The following HSD17B12 variants were observed in gnomAD, a reference collection of about 807,000 sequenced individuals.
HSD17B12 encodes hydroxysteroid 17-beta dehydrogenase 12.
Under a neutral mutation model 39.3 loss-of-function variants are expected in HSD17B12, and 32 were observed. The observed-to-expected ratio is 0.81, with a 90% CI of 0.61 to 1.09. The LOEUF (loss-of-function observed/expected upper bound fraction) is 1.09. Ranked by LOEUF, HSD17B12 falls within the 50% of genes least tolerant of loss-of-function variation. HSD17B12 has a pLI of 0.00. For synonymous variants in HSD17B12, 150 were observed against 146.7 expected (o/e 1.02, Z -0.16); for missense variants, 342 against 382.9 (o/e 0.89, Z 0.89).
intron 1 of HSD17B12, among the ~76,000 whole-genome samples, chr11:43,728,223 G>A (rs1950238483): frequency 1.3e-5 from 2 of 151,826 alleles, no homozygotes; most frequent in South Asian, 2.1e-4. Flanking sequence ...CTGCAACCAC[G>A]CCCAGCTAAT....
chr11:43,608,300 T>TG, the HSD17B12 span, among the ~76,000 whole-genome samples: 1 of 150,970 alleles, frequency 6.6e-6, no homozygotes, highest in Non-Finnish European at 1.5e-5. Context: ...AGGTCCAGGC[T>TG]GCAGTGAGCT....
the HSD17B12 span, among the ~76,000 whole-genome samples, chr11:43,640,191 A>G: frequency 6.6e-6 from 1 of 152,112 alleles, no homozygotes; most frequent in South Asian, 2.1e-4. Flanking sequence ...TGTAGGAAAA[A>G]CACTGTGGGG....
At chr11:43,686,044 A>C (rs574472423) in intron 1 of HSD17B12, among the ~76,000 whole-genome samples, 15 of 152,342 alleles carry the variant, frequency 9.8e-5, no homozygotes, top group African/African-American at 3.6e-4. Flanking sequence ...AGGGTTTGAC[A>C]GTCATCAGAA....
intron 9 of HSD17B12, among the ~76,000 whole-genome samples, chr11:43,842,976 A>G (rs1951441353): frequency 6.6e-6 from 1 of 152,158 alleles, no homozygotes; most frequent in African/African-American, 2.4e-5. Context: ...CCACCTAGTA[A>G]TCTGGTGTGA....
At chr11:43,566,686 C>T in the HSD17B12 span, among the ~76,000 whole-genome samples, 4 of 152,122 alleles carry the variant, frequency 2.6e-5, no homozygotes, top group African/African-American at 4.8e-5. Context: ...CACACCGCCA[C>T]GCCCGGCTAA....
intron 1 of HSD17B12, among the ~76,000 whole-genome samples, chr11:43,711,314 A>T (rs1950063193): frequency 6.6e-6 from 1 of 152,114 alleles, no homozygotes; most frequent in African/African-American, 2.4e-5. Context: ...GTTTGCACAG[A>T]TATTTATTTT....
At chr11:43,694,157 C>G (rs1025822628) in intron 1 of HSD17B12, among the ~76,000 whole-genome samples, 27 of 152,106 alleles carry the variant, frequency 1.8e-4, no homozygotes, top group Admixed American at 1.6e-3. Flanking sequence ...CATAACAACC[C>G]TATGAGGCAG....
chr11:43,804,285 G>A (rs1036567434), intron 4 of HSD17B12, among the ~76,000 whole-genome samples: 1 of 152,132 alleles, frequency 6.6e-6, no homozygotes, highest in Non-Finnish European at 1.5e-5. Context: ...AGTGTTGATG[G>A]CGTATACAAG....
chr11:43,707,611 C>A (rs1326706808), intron 1 of HSD17B12, among the ~76,000 whole-genome samples: 1 of 152,202 alleles, frequency 6.6e-6, no homozygotes, highest in Non-Finnish European at 1.5e-5. Context: ...ATTCCCTCTT[C>A]TATTAGAAGT....
At chr11:43,668,823 C>T in the HSD17B12 span, among the ~76,000 whole-genome samples, 16 of 151,884 alleles carry the variant, frequency 1.1e-4, no homozygotes, top group Non-Finnish European at 2.2e-4. Context: ...CACACTGGGA[C>T]GACCAGTGTG....
chr11:43,792,682 CTTT>C (rs60140879), intron 3 of HSD17B12, among the ~76,000 whole-genome samples: 2 of 101,298 alleles, frequency 2.0e-5, no homozygotes, highest in Non-Finnish European at 1.9e-5. Flanking sequence ...TCAATGTAAC[CTTT>C]TTTTTTTTTT....
chr11:43,770,622 G>C (rs1057390795), intron 3 of HSD17B12, among the ~76,000 whole-genome samples: 1 of 152,224 alleles, frequency 6.6e-6, no homozygotes, highest in African/African-American at 2.4e-5. Context: ...TGTGGTCCCA[G>C]CCACTGGGGA....
At chr11:43,747,063 A>G (rs1950418225) in intron 1 of HSD17B12, among the ~76,000 whole-genome samples, 1 of 152,230 alleles carries the variant, frequency 6.6e-6, no homozygotes, top group Non-Finnish European at 1.5e-5. Flanking sequence ...GTACTTGTAA[A>G]TAAAGACTTT....
At chr11:43,848,207 A>C (rs1371393820) in intron 9 of HSD17B12, among the ~76,000 whole-genome samples, 1 of 152,228 alleles carries the variant, frequency 6.6e-6, no homozygotes, top group East Asian at 1.9e-4. Context: ...ATGGCCAACT[A>C]TACCAATTTT....
chr11:43,719,812 A>G (rs1365657970), intron 1 of HSD17B12, among the ~76,000 whole-genome samples: 2 of 152,008 alleles, frequency 1.3e-5, no homozygotes, highest in African/African-American at 2.4e-5. Flanking sequence ...CTTCTTACCT[A>G]TGTGAAGTTG....
the HSD17B12 span, among the ~76,000 whole-genome samples, chr11:43,661,400 T>G: frequency 6.6e-6 from 1 of 152,208 alleles, no homozygotes; most frequent in East Asian, 1.9e-4. Context: ...ACATAAAATT[T>G]GTAGATTGTT....
chr11:43,767,120 C>T (rs1377400603), intron 3 of HSD17B12, among the ~76,000 whole-genome samples: 3 of 152,020 alleles, frequency 2.0e-5, no homozygotes, highest in Non-Finnish European at 2.9e-5. Flanking sequence ...TACCTCTCAA[C>T]ATATTTGCCT....
At chr11:43,816,461 G>C (rs948038552) in intron 6 of HSD17B12, 70 bp downstream of exon 6, 2 of 1,343,514 alleles carry the variant, frequency 1.5e-6, no homozygotes, top group African/African-American at 1.5e-5. Context: ...GACATAATCA[G>C]CTTGTTCACC....
intron 3 of HSD17B12, among the ~76,000 whole-genome samples, chr11:43,773,601 G>GA (rs1485446650): frequency 6.6e-6 from 1 of 152,164 alleles, no homozygotes; most frequent in Non-Finnish European, 1.5e-5. Flanking sequence ...AAGGTAAAGA[G>GA]ACTTCCCAAA....
Sources: gnomAD v4.1 joint callset for allele counts (sites outside exome capture counted in the v4.1 genomes callset) on GRCh38, gnomAD v4.1.1 for gene constraint, MANE v1.5 for transcripts, NCBI Gene and HGNC (gene_info 2026-07-23, HGNC 2026-07-21) for gene names.